The following NXPH1 variants were observed in gnomAD, a reference collection of about 807,000 sequenced individuals.
NXPH1 encodes neurexophilin 1.
A neutral mutation model predicts 23.7 loss-of-function variants in NXPH1; 5 were observed. That is an observed-to-expected ratio of 0.21 (90% CI 0.11 to 0.44). NXPH1 has a LOEUF of 0.44. NXPH1 is among the 20% of genes least tolerant of loss of function. The pLI, the probability that NXPH1 is intolerant of heterozygous loss-of-function variation, is 0.99. For missense variants in NXPH1, 324 were observed against 321.6 expected (o/e 1.01, Z -0.06); for synonymous variants, 144 against 122.2 (o/e 1.18, Z -1.18).
intron 2 of NXPH1, among the ~76,000 whole-genome samples, chr7:8,588,493 C>T (rs1819024150): frequency 6.6e-6 from 1 of 152,052 alleles, no homozygotes; most frequent in South Asian, 2.1e-4. Flanking sequence ...CTTATTTTTG[C>T]ACATTGGCCT....
At chr7:8,616,544 G>C (rs1469112187) in intron 2 of NXPH1, among the ~76,000 whole-genome samples, 2 of 152,018 alleles carry the variant, frequency 1.3e-5, no homozygotes, top group African/African-American at 4.8e-5. Context: ...GAAGGTACTA[G>C]GAACTCATTT....
chr7:8,742,414 T>C (rs1182267614), intron 2 of NXPH1, among the ~76,000 whole-genome samples: 2 of 152,064 alleles, frequency 1.3e-5, no homozygotes, highest in South Asian at 2.1e-4. Flanking sequence ...ACAAAACGTA[T>C]ATAAAATGTA....
intron 2 of NXPH1, among the ~76,000 whole-genome samples, chr7:8,583,540 C>A (rs1461994225): frequency 4.6e-5 from 7 of 152,174 alleles, no homozygotes; most frequent in Non-Finnish European, 7.3e-5. Context: ...CCCATTATTA[C>A]CCCCATCTTA....
chr7:8,435,109 T>TCCTAC lies in NXPH1; in HGVS notation c.-111+355_-111+356insCTACC, dbSNP rs1400084285. 1 of 157,758 alleles carries TCCTAC rather than the reference T, an allele frequency of 6.3e-6. No homozygotes were observed. Among genetic ancestry groups the TCCTAC allele is most frequent in the Non-Finnish European group, 1.4e-5 (1 of 71,894 alleles). The allele number at this position is 157,758 out of a possible 1,614,324, so 9.8% of individuals were successfully genotyped here. On this transcript the variant is annotated intron_variant, in intron 1 of 2. Coordinates refer to ENST00000405863, the MANE Select transcript of NXPH1 (RefSeq NM_152745.3). This position sits in a 1 kb window ranked among gnomAD's most constrained non-coding sequence, Gnocchi z 5.9. ...TACCTAGCACCTAATCGCGGTCAGT[T>TCCTAC]CTACCTACCTCTTCCTCTCACCGCG...
chr7:8,576,846 CAG>C (rs1462422594), intron 2 of NXPH1, among the ~76,000 whole-genome samples: 1 of 152,040 alleles, frequency 6.6e-6, no homozygotes, highest in Admixed American at 6.5e-5. Flanking sequence ...CCTATAGGGT[CAG>C]AGTTATGTTT....
intron 2 of NXPH1, among the ~76,000 whole-genome samples, chr7:8,450,549 T>C (rs1228315834): frequency 6.6e-6 from 1 of 152,184 alleles, no homozygotes; most frequent in Non-Finnish European, 1.5e-5. Flanking sequence ...TTCTGAAAAA[T>C]AAAAGTAGAT....
chr7:8,476,192 G>A (rs951784045), intron 2 of NXPH1, among the ~76,000 whole-genome samples: 6 of 152,032 alleles, frequency 3.9e-5, no homozygotes, highest in Non-Finnish European at 7.4e-5. Flanking sequence ...TCCCTATTCT[G>A]TGTGTATTTA....
intron 2 of NXPH1, among the ~76,000 whole-genome samples, chr7:8,445,961 T>C (rs1246892719): frequency 6.6e-6 from 1 of 152,208 alleles, no homozygotes; most frequent in Non-Finnish European, 1.5e-5. Context: ...CCTCTTCAAC[T>C]GAACTTTAGA....
chr7:8,657,546 C>T (rs1820602232), intron 2 of NXPH1, among the ~76,000 whole-genome samples: 1 of 152,276 alleles, frequency 6.6e-6, no homozygotes, highest in Admixed American at 6.5e-5. Context: ...GAAAAGCAAC[C>T]AGCATCAAAT....
intron 2 of NXPH1, among the ~76,000 whole-genome samples, chr7:8,527,862 G>C (rs1048124058): frequency 6.6e-6 from 1 of 152,220 alleles, no homozygotes; most frequent in Non-Finnish European, 1.5e-5. Flanking sequence ...GATGGGAAAA[G>C]AAGGAACATG....
chr7:8,495,772 G>A (rs1183846062), intron 2 of NXPH1, among the ~76,000 whole-genome samples: 1 of 152,024 alleles, frequency 6.6e-6, no homozygotes, highest in African/African-American at 2.4e-5. Context: ...CCTTGCATGT[G>A]GGAGAAAGAC....
chr7:8,503,589 A>G (rs1228359625), intron 2 of NXPH1, among the ~76,000 whole-genome samples: 5 of 151,980 alleles, frequency 3.3e-5, no homozygotes, highest in East Asian at 1.9e-4. Flanking sequence ...AATTTCTGCT[A>G]CAATCATGTG....
At chr7:8,550,379 T>C (rs927559195) in intron 2 of NXPH1, among the ~76,000 whole-genome samples, 1 of 151,592 alleles carries the variant, frequency 6.6e-6, no homozygotes, top group Non-Finnish European at 1.5e-5. Context: ...ATAATATATT[T>C]TAAAGGGCAT....
At chr7:8,527,789 T>C (rs1817888037) in intron 2 of NXPH1, among the ~76,000 whole-genome samples, 1 of 152,194 alleles carries the variant, frequency 6.6e-6, no homozygotes, top group Non-Finnish European at 1.5e-5. Context: ...TGAAGAGACC[T>C]AACTATTGTA....
chr7:8,647,843 C>T (rs971460074), intron 2 of NXPH1, among the ~76,000 whole-genome samples: 1 of 151,216 alleles, frequency 6.6e-6, no homozygotes, highest in Non-Finnish European at 1.5e-5. Flanking sequence ...ATCCCTAACC[C>T]ATTATCTTAT....
At chr7:8,436,140 T>C (rs1219792530) in intron 2 of NXPH1, among the ~76,000 whole-genome samples, 1 of 152,114 alleles carries the variant, frequency 6.6e-6, no homozygotes, top group Non-Finnish European at 1.5e-5. Flanking sequence ...AGTGGGGGTG[T>C]AGTTGGGTGG....
intron 2 of NXPH1, among the ~76,000 whole-genome samples, chr7:8,461,481 C>G (rs1044058451): frequency 6.6e-6 from 1 of 152,176 alleles, no homozygotes; most frequent in Non-Finnish European, 1.5e-5. Flanking sequence ...ATAGCGTTAT[C>G]TAGGTCACTG....
At chr7:8,449,197 C>T (rs1216912381) in intron 2 of NXPH1, among the ~76,000 whole-genome samples, 1 of 152,194 alleles carries the variant, frequency 6.6e-6, no homozygotes, top group Non-Finnish European at 1.5e-5. Context: ...CCTGGAAGGA[C>T]TTGTCGAAAC....
intron 2 of NXPH1, among the ~76,000 whole-genome samples, chr7:8,530,399 C>T (rs527476481): frequency 6.6e-6 from 1 of 152,344 alleles, no homozygotes; most frequent in African/African-American, 2.4e-5. Flanking sequence ...AGCCACATAT[C>T]ATACATCCTT....
Sources: gnomAD v4.1 joint callset for allele counts (sites outside exome capture counted in the v4.1 genomes callset) on GRCh38, gnomAD v4.1.1 for gene constraint, Gnocchi (gnomAD v3.1) non-coding constraint, MANE v1.5 for transcripts, NCBI Gene and HGNC (gene_info 2026-07-23, HGNC 2026-07-21) for gene names.